CCNY: variants seen among roughly 807,000 people sequenced by gnomAD.
The protein encoded by CCNY is cyclin-Y.
CCNY carries 19 observed loss-of-function variants against 42.8 expected under a neutral mutation model. The observed-to-expected ratio is 0.44, with a 90% CI of 0.31 to 0.65. The LOEUF (loss-of-function observed/expected upper bound fraction) is 0.65, where lower values mean the gene tolerates loss of function less well. Among genes scored for constraint, CCNY ranks in the 30% least tolerant of loss-of-function variants. The probability of loss-of-function intolerance (pLI) is 0.07; values close to 1 mark genes in which losing one functional copy is unlikely to be tolerated. For missense variants in CCNY, 370 were observed against 437.3 expected (o/e 0.85, Z 1.37); for synonymous variants, 165 against 162.7 (o/e 1.01, Z -0.11).
At position 35,572,590 on chromosome 10, in the gene CCNY, AT is replaced by A. The variant is rs1674603611; in HGVS notation, c.*3426del. The A allele has an allele frequency of 6.6e-6, 1 of 152,144 alleles. No individual in the cohort carries two copies. The highest frequency in any genetic ancestry group is 6.6e-5 in the Admixed American group (1 of 15,260). The allele number at this position is 152,144 out of a possible 1,614,324, so 9.4% of individuals were successfully genotyped here. A position where few individuals can be genotyped will look rare whatever the true frequency, so the allele number is the denominator to read the frequency against. Reference sequence around the variant, plus strand: ...CCACTGCCCCTGGCCCAGATTTGAAATTTTTTAAAAATAAAACATGATTCTT... The same window carrying A: ...CCACTGCCCCTGGCCCAGATTTGAAATTTTTAAAAATAAAACATGATTCTT... On this transcript the variant is annotated 3_prime_UTR_variant, in exon 10 of 10. Transcript: ENST00000374704.
At chr10:35,384,874 C>T (rs1364898542) in intron 1 of CCNY, among the ~76,000 whole-genome samples, 1 of 152,148 alleles carries the variant, frequency 6.6e-6, no homozygotes, top group Non-Finnish European at 1.5e-5. Flanking sequence ...TCAATTGATG[C>T]CTTGGTGGGA....
chr10:35,275,678 G>T (rs1835229798), intron 3 of CCNY, among the ~76,000 whole-genome samples: 1 of 151,934 alleles, frequency 6.6e-6, no homozygotes, highest in Non-Finnish European at 1.5e-5. Context: ...CAGGAGAATG[G>T]CGTGAACCCG....
intron 1 of CCNY, among the ~76,000 whole-genome samples, chr10:35,363,078 G>C (rs747333306): frequency 6.9e-6 from 1 of 145,194 alleles, no homozygotes; most frequent in Non-Finnish European, 1.5e-5. Context: ...GTGGGCCGCC[G>C]GGCAGAGGCG....
intron 3 of CCNY, among the ~76,000 whole-genome samples, chr10:35,509,287 G>C (rs552294189): frequency 6.6e-6 from 1 of 152,126 alleles, no homozygotes; most frequent in African/African-American, 2.4e-5. Context: ...TGGGGGCTGG[G>C]GGTAGGGGGT....
intron 1 of CCNY, among the ~76,000 whole-genome samples, chr10:35,375,683 A>G (rs1290089933): frequency 6.6e-6 from 1 of 152,202 alleles, no homozygotes; most frequent in African/African-American, 2.4e-5. Context: ...CACAGATGTA[A>G]TAAATATTGC....
At chr10:35,368,361 T>C (rs1241272536) in intron 1 of CCNY, among the ~76,000 whole-genome samples, 1 of 152,252 alleles carries the variant, frequency 6.6e-6, no homozygotes, top group African/African-American at 2.4e-5. Flanking sequence ...AATCTTTTTC[T>C]AATTTGCAGA....
At chr10:35,466,606 C>T (rs1239628963) in intron 1 of CCNY, among the ~76,000 whole-genome samples, 1 of 152,144 alleles carries the variant, frequency 6.6e-6, no homozygotes, top group African/African-American at 2.4e-5. Flanking sequence ...TCCTGTTGCT[C>T]CCGCTGTCCC....
chr10:35,438,977 G>A (rs1007551164), intron 1 of CCNY, among the ~76,000 whole-genome samples: 13 of 152,126 alleles, frequency 8.5e-5, no homozygotes, highest in African/African-American at 2.4e-4. Context: ...GGCAAGCATC[G>A]TGCCACTTTC....
chr10:35,354,054 G>T (rs898232914), intron 1 of CCNY, among the ~76,000 whole-genome samples: 1 of 152,126 alleles, frequency 6.6e-6, no homozygotes, highest in African/African-American at 2.4e-5. Flanking sequence ...CTCACTGGCT[G>T]TTGGCTGGAT....
chr10:35,348,122 T>A (rs1396679953), intron 1 of CCNY, among the ~76,000 whole-genome samples: 1 of 152,222 alleles, frequency 6.6e-6, no homozygotes, highest in Non-Finnish European at 1.5e-5. Context: ...GCTCTTTTGC[T>A]TGCAAAGTGA....
intron 1 of CCNY, among the ~76,000 whole-genome samples, chr10:35,394,471 T>A (rs1488337863): frequency 1.3e-5 from 2 of 152,224 alleles, no homozygotes; most frequent in African/African-American, 4.8e-5. Flanking sequence ...AACTCACATT[T>A]GTTTAAAAGA....
chr10:35,442,862 TGA>T (rs1183477599), intron 1 of CCNY, among the ~76,000 whole-genome samples: 2 of 152,206 alleles, frequency 1.3e-5, no homozygotes, highest in African/African-American at 4.8e-5. Flanking sequence ...TGTGTGAACA[TGA>T]GAGAGTGTAC....
intron 3 of CCNY, among the ~76,000 whole-genome samples, chr10:35,296,502 A>G (rs1323489130): frequency 6.6e-6 from 1 of 152,186 alleles, no homozygotes; most frequent in Admixed American, 6.5e-5. Flanking sequence ...AATTGCTTGA[A>G]TCCGGGAGGC....
chr10:35,287,581 T>C (rs1284266140), intron 3 of CCNY, among the ~76,000 whole-genome samples: 3 of 152,236 alleles, frequency 2.0e-5, no homozygotes, highest in Non-Finnish European at 2.9e-5. Context: ...ATTGGAATCA[T>C]ATAGTGTACT....
At position 35,561,248 on chromosome 10, in the gene CCNY, G is replaced by A. The variant is rs528384083; in HGVS notation, c.747-4775G>A. Among the ~76,000 whole-genome samples, 1,029 of 152,302 alleles carry A rather than the reference G, an allele frequency of 6.8e-3. 5 individuals carry two copies. Among genetic ancestry groups the A allele is most frequent in the Non-Finnish European group, 0.012 (815 of 68,026 alleles). On this transcript the variant is annotated intron_variant, in intron 8 of 9. Transcript: ENST00000374704. Reference sequence around the variant, plus strand: ...AGTGGGAAAAGAGTCAGTGGCTTGGGCCTGAGGGTGGGGTGGGAGGCGTTT... The same window carrying A: ...AGTGGGAAAAGAGTCAGTGGCTTGGACCTGAGGGTGGGGTGGGAGGCGTTT...
chr10:35,374,399 A>G (rs1349067230), intron 1 of CCNY, among the ~76,000 whole-genome samples: 1 of 152,228 alleles, frequency 6.6e-6, no homozygotes, highest in Non-Finnish European at 1.5e-5. Flanking sequence ...TGACAAACCA[A>G]TATAAATGTT....
At chr10:35,334,791 AATGGCTAG>A (rs1484570316), upstream of CCNY, among the ~76,000 whole-genome samples, 16 of 152,226 alleles carry the variant, frequency 1.1e-4, no homozygotes, top group Non-Finnish European at 2.2e-4. Flanking sequence ...CAGGTTAAAA[AATGGCTAG>A]ATGTAGAGAA....
intron 1 of CCNY, among the ~76,000 whole-genome samples, chr10:35,465,930 A>AGTGTGTGTGTGT (rs1564422006): frequency 4.9e-5 from 7 of 141,448 alleles, no homozygotes; most frequent in African/African-American, 1.9e-4. Flanking sequence ...AGAGAGAGAG[A>AGTGTGTGTGTGT]GAGAGAGAGT....
intron 3 of CCNY, among the ~76,000 whole-genome samples, chr10:35,308,005 C>T (rs140398610): frequency 5.3e-5 from 8 of 151,182 alleles, no homozygotes; most frequent in African/African-American, 1.9e-4. Flanking sequence ...TTAGTAGACA[C>T]GGGGTTTCAC....
Sources: allele counts gnomAD v4.1 joint callset (sites outside exome capture counted in the v4.1 genomes callset), GRCh38; gene constraint gnomAD v4.1.1; transcripts MANE v1.5; gene names NCBI Gene and HGNC (gene_info 2026-07-23, HGNC 2026-07-21).